Variants in C3orf85 observed in about 807,000 individuals in gnomAD.
C3orf85 encodes chromosome 3 open reading frame 85.
C3orf85 carries 1 observed loss-of-function variant against 1.7 expected under a neutral mutation model. The ratio of observed to expected loss-of-function variants is 0.60; its 90% CI spans 0.21 to 2.86. The LOEUF (loss-of-function observed/expected upper bound fraction) is 2.86, where lower values mean the gene tolerates loss of function less well. C3orf85 is among the 30% of genes most tolerant of loss of function. The probability of loss-of-function intolerance (pLI) is 0.22; values close to 1 mark genes in which losing one functional copy is unlikely to be tolerated. For synonymous variants in C3orf85, 17 were observed against 8.0 expected, an observed-to-expected ratio of 2.13 and a Z score of -1.90; for missense variants, 29 against 21.3, an observed-to-expected ratio of 1.36 and a Z score of -0.72.
Position 109,148,334 on chromosome 3 carries a change from A to G in C3orf85, c.131A>G (p.Tyr44Cys), listed in dbSNP as rs1295664759. 4.3e-6 allele frequency: 3 copies of G among 702,666 alleles called. No homozygotes were observed. Among genetic ancestry groups the G allele is most frequent in the Middle Eastern group, 2.3e-4 (1 of 4,392 alleles). The allele number at this position is 702,666 out of a possible 1,614,324, so 43.5% of individuals were successfully genotyped here. The change falls in exon 3 of 4, where the codon TAC (tyrosine) becomes TGC (cysteine). Residue 44 changes from tyrosine to cysteine, a missense_variant. Tyr to Cys is a radical substitution (Grantham distance 194). Transcript: ENST00000622536. ...RLKRHVNLQD[Y>C]WDPDHSSDVW... ...AAAAGACATGTAAATTTGCAGGATTACTGGGACCCAGATCACAGTTCAGAT... is the reference window on the plus strand; with the variant it reads ...AAAAGACATGTAAATTTGCAGGATTGCTGGGACCCAGATCACAGTTCAGAT...
chr3:109,141,667 A>C (rs186825809), intron 2 of C3orf85, among the ~76,000 whole-genome samples: 11 of 152,306 alleles, frequency 7.2e-5, no homozygotes, highest in Non-Finnish European at 1.3e-4. Flanking sequence ...GTCTTGCACT[A>C]CACATTTTTG....
intron 2 of C3orf85, among the ~76,000 whole-genome samples, chr3:109,137,120 T>C: frequency 6.6e-6 from 1 of 151,882 alleles, no homozygotes; most frequent in East Asian, 1.9e-4. Context: ...TAATTATATA[T>C]TAACATGATA....
rs187839586 is a variant in C3orf85 at position 109,136,895 on chromosome 3, C to A, written c.48C>A (p.Ile16=). 2 of 420,602 alleles carry A rather than the reference C, an allele frequency of 4.8e-6. No individual in the cohort carries two copies. The highest frequency in any genetic ancestry group is 7.9e-5 in the South Asian group (1 of 12,622). 26.1% of individuals were successfully genotyped at this position (420,602 alleles called of 1,614,324 possible). The change falls in exon 2 of 4, where the codon ATC becomes ATA. Residue 16 remains isoleucine (I), a splice_region_variant and synonymous_variant. Coordinates refer to ENST00000622536, the MANE Select transcript of C3orf85 (RefSeq NM_001351622.2). The part of the protein sequence containing the change: ...LQVVLCSTLL[I]GALGAPFLLE... The stretch of plus-strand genomic sequence containing the variant: ...TAGTCCTGTGCTCAACATTGCTTAT[C>A]GGTAAGAGCCTATTTCTTTTTTATT...
chr3:109,137,182 C>A (rs1174778160), intron 2 of C3orf85, among the ~76,000 whole-genome samples: 1 of 151,754 alleles, frequency 6.6e-6, no homozygotes, highest in Non-Finnish European at 1.5e-5. Flanking sequence ...GCTGTTGTGT[C>A]CTTGAACAAA....
At chr3:109,148,211 A>G (rs1706821260) in intron 2 of C3orf85, 42 bp from the exon 3 acceptor site, 2 of 685,778 alleles carry the variant, frequency 2.9e-6, no homozygotes, top group Non-Finnish European at 5.3e-6. Context: ...GATGTAAACT[A>G]TTGCTCTAAA....
At chr3:109,143,662 C>T (rs1706765007) in intron 2 of C3orf85, among the ~76,000 whole-genome samples, 1 of 152,126 alleles carries the variant, frequency 6.6e-6, no homozygotes, top group East Asian at 1.9e-4. Context: ...TGATTAATGA[C>T]CTATTTGTTA....
rs1706854846 is a variant in C3orf85, at chr3:109,150,253, T to C, written c.*359T>C. 6.4e-6 allele frequency: 1 copy of C among 155,092 alleles called. No individual in the cohort carries two copies. The highest frequency in any genetic ancestry group is 1.4e-5 in the Non-Finnish European group (1 of 70,056). 9.6% of individuals were successfully genotyped at this position (155,092 alleles called of 1,614,324 possible). On this transcript the variant is annotated 3_prime_UTR_variant, in exon 4 of 4. Coordinates refer to ENST00000622536, the MANE Select transcript of C3orf85 (RefSeq NM_001351622.2). ...GCTTTTACTCTCTATTGCCTCTTCT[T>C]TGAGAGAGTTTTTTAATTCAAAGAA...
chr3:109,150,217 C>T lies in C3orf85; in HGVS notation c.*323C>T, dbSNP rs150075726. On this transcript the variant is annotated 3_prime_UTR_variant, in exon 4 of 4. Coordinates refer to ENST00000622536, the MANE Select transcript of C3orf85 (RefSeq NM_001351622.2). ...AAAGAAAAGTAGTTTCATTAAACCA[C>T]TCTGTTCATAGCTTTTACTCTCTAT... The T allele has an allele frequency of 2.6e-3, 439 of 167,254 alleles. 3 individuals are homozygous for T. Among genetic ancestry groups the T allele is most frequent in the Non-Finnish European group, 4.4e-3 (345 of 78,272 alleles). 10.4% of individuals were successfully genotyped at this position (167,254 alleles called of 1,614,324 possible).
chr3:109,145,939 T>A (rs1178500731), intron 2 of C3orf85, among the ~76,000 whole-genome samples: 3 of 152,182 alleles, frequency 2.0e-5, no homozygotes, highest in Admixed American at 6.5e-5. Flanking sequence ...GCGCTTTGCT[T>A]CCACTCCCTT....
chr3:109,142,414 C>A (rs896684919), intron 2 of C3orf85, among the ~76,000 whole-genome samples: 4 of 152,136 alleles, frequency 2.6e-5, no homozygotes, highest in African/African-American at 2.4e-5. Flanking sequence ...CCATCCCATA[C>A]GTAAATATCT....
intron 2 of C3orf85, among the ~76,000 whole-genome samples, chr3:109,144,754 C>T (rs180951842): frequency 4.0e-4 from 61 of 152,220 alleles, no homozygotes; most frequent in African/African-American, 1.4e-3. Flanking sequence ...CTATCTTAAG[C>T]AATTACTACA....
chr3:109,146,729 C>T (rs1021184717), intron 2 of C3orf85, among the ~76,000 whole-genome samples: 1 of 152,166 alleles, frequency 6.6e-6, no homozygotes, highest in African/African-American at 2.4e-5. Context: ...GCTGTAATGT[C>T]TTTTATATCC....
At chr3:109,137,635 G>A (rs62274703) in intron 2 of C3orf85, among the ~76,000 whole-genome samples, 32 of 48,802 alleles carry the variant, frequency 6.6e-4, no homozygotes, top group African/African-American at 1.2e-3. Flanking sequence ...GTGTGTGTGT[G>A]TGTATATATA....
chr3:109,145,328 T>TG (rs1257554524), intron 2 of C3orf85, among the ~76,000 whole-genome samples: 2 of 152,210 alleles, frequency 1.3e-5, no homozygotes, highest in Non-Finnish European at 2.9e-5. Context: ...GATGTCACAA[T>TG]GTGGAAGAAC....
chr3:109,145,864 A>G (rs1706791869), intron 2 of C3orf85, among the ~76,000 whole-genome samples: 1 of 152,148 alleles, frequency 6.6e-6, no homozygotes, highest in Admixed American at 6.6e-5. Context: ...GAAAGTCACC[A>G]ACCCTGAATC....
intron 2 of C3orf85, among the ~76,000 whole-genome samples, chr3:109,144,347 A>G (rs1414311348): frequency 1.3e-5 from 2 of 152,178 alleles, no homozygotes; most frequent in Non-Finnish European, 2.9e-5. Flanking sequence ...GACTTACTAT[A>G]TGACCTTGAG....
chr3:109,149,604 G>A, intron 3 of C3orf85: 1 of 343,152 alleles, frequency 2.9e-6, no homozygotes, highest in Non-Finnish European at 5.2e-6. Context: ...GGTTTATACT[G>A]TGGCCCCACA....
At chr3:109,149,208 G>A (rs1706837934) in intron 3 of C3orf85, 1 of 151,968 alleles carries the variant, frequency 6.6e-6, no homozygotes, top group African/African-American at 2.4e-5. Context: ...ACATATCTCA[G>A]GATCTGATTA....
intron 3 of C3orf85, chr3:109,148,626 T>C: frequency 2.2e-6 from 1 of 453,674 alleles, no homozygotes; most frequent in South Asian, 2.9e-5. Context: ...AGGGCGACAT[T>C]TGTCTTTCCT....
Sources: gnomAD v4.1 joint callset for allele counts (sites outside exome capture counted in the v4.1 genomes callset) on GRCh38, gnomAD v4.1.1 for gene constraint, MANE v1.5 for transcripts, NCBI Gene and HGNC (gene_info 2026-07-23, HGNC 2026-07-21) for gene names.